The following RBFOX1 variants were observed in gnomAD, a reference collection of about 807,000 sequenced individuals.
The protein encoded by RBFOX1 is RNA binding protein fox-1 homolog 1.
In RBFOX1, 8 loss-of-function variants were observed where a neutral mutation model predicts 57.7. The observed-to-expected ratio is 0.14, with a 90% CI of 0.08 to 0.25. The LOEUF (loss-of-function observed/expected upper bound fraction) is 0.25, where lower values mean the gene tolerates loss of function less well. Ranked by LOEUF, RBFOX1 falls within the 10% of genes least tolerant of loss-of-function variation. The pLI is 1.00. For synonymous variants in RBFOX1, 326 were observed against 222.4 expected (o/e 1.47, Z -4.15); for missense variants, 611 against 548.5 (o/e 1.11, Z -1.14).
At chr16:6,181,660 A>G (rs1277374666) in intron 1 of RBFOX1, among the ~76,000 whole-genome samples, 1 of 152,200 alleles carries the variant, frequency 6.6e-6, no homozygotes, top group Non-Finnish European at 1.5e-5. Flanking sequence ...TATTCACATT[A>G]GAAGTCTTAC....
At chr16:5,723,746 C>G (rs996997524) in intron 3 of RBFOX1, among the ~76,000 whole-genome samples, 20 of 152,176 alleles carry the variant, frequency 1.3e-4, no homozygotes, top group African/African-American at 4.3e-4. Flanking sequence ...ATTGTGAGAT[C>G]TTTGGTCTAA....
At chr16:5,885,513 AG>A (rs1255318567) in intron 4 of RBFOX1, among the ~76,000 whole-genome samples, 1 of 152,136 alleles carries the variant, frequency 6.6e-6, no homozygotes, top group Non-Finnish European at 1.5e-5. Flanking sequence ...GAGGGTTCAC[AG>A]AGGCCTTTTG....
chr16:6,348,498 T>C (rs2085751182), intron 2 of RBFOX1, among the ~76,000 whole-genome samples: 1 of 152,142 alleles, frequency 6.6e-6, no homozygotes, highest in Non-Finnish European at 1.5e-5. Context: ...GTTCTTGCAC[T>C]GCTATAAGGA....
chr16:6,631,666 A>G (rs1225659177), intron 2 of RBFOX1, among the ~76,000 whole-genome samples: 2 of 152,170 alleles, frequency 1.3e-5, no homozygotes. Flanking sequence ...AAATAATGGT[A>G]CGTGCAATAA....
chr16:7,520,290 C>G (rs891671336), intron 5 of RBFOX1, among the ~76,000 whole-genome samples: 1 of 152,128 alleles, frequency 6.6e-6, no homozygotes, highest in African/African-American at 2.4e-5. Flanking sequence ...TAAAACTTAA[C>G]CATTTTAATC....
chr16:5,754,303 G>C (rs969577088), intron 3 of RBFOX1, among the ~76,000 whole-genome samples: 1 of 152,114 alleles, frequency 6.6e-6, no homozygotes, highest in Non-Finnish European at 1.5e-5. Context: ...AACATGTTTA[G>C]GATTATACCT....
At chr16:6,395,690 C>G (rs1452227721) in intron 2 of RBFOX1, among the ~76,000 whole-genome samples, 1 of 152,020 alleles carries the variant, frequency 6.6e-6, no homozygotes, top group Non-Finnish European at 1.5e-5. Flanking sequence ...TATATCAATA[C>G]CATCTATATA....
chr16:7,270,702 C>T, intron 4 of RBFOX1, among the ~76,000 whole-genome samples: 1 of 152,158 alleles, frequency 6.6e-6, no homozygotes, highest in East Asian at 1.9e-4. Flanking sequence ...GCTCTGGAAA[C>T]ATTCACTACT....
chr16:6,530,115 G>C (rs1005475818), intron 2 of RBFOX1, among the ~76,000 whole-genome samples: 11 of 152,188 alleles, frequency 7.2e-5, no homozygotes, highest in African/African-American at 2.7e-4. Context: ...AAAGGAGACA[G>C]TGTGTGGTGT....
intron 3 of RBFOX1, among the ~76,000 whole-genome samples, chr16:6,752,296 A>T (rs1473136512): frequency 6.6e-6 from 1 of 152,114 alleles, no homozygotes; most frequent in African/African-American, 2.4e-5. Context: ...ATTTGGATGT[A>T]CTCCAGACCT....
At chr16:7,151,175 C>T (rs2076035459) in intron 4 of RBFOX1, among the ~76,000 whole-genome samples, 1 of 152,268 alleles carries the variant, frequency 6.6e-6, no homozygotes, top group African/African-American at 2.4e-5. Flanking sequence ...GAACTAGAGG[C>T]TACCTTGGCA....
chr16:7,581,644 A>T (rs892413772), intron 6 of RBFOX1, among the ~76,000 whole-genome samples: 1 of 152,136 alleles, frequency 6.6e-6, no homozygotes, highest in African/African-American at 2.4e-5. Flanking sequence ...GGTAGGGTAG[A>T]CGGCAAGGAG....
intron 1 of RBFOX1, among the ~76,000 whole-genome samples, chr16:6,020,441 T>C (rs7204933): frequency 0.081 from 12,218 of 151,466 alleles, 585 homozygotes; most frequent in African/African-American, 0.13. Flanking sequence ...CCCGGGAGGG[T>C]GTTTAGGTGC....
chr16:6,182,023 A>G (rs950700039), intron 1 of RBFOX1, among the ~76,000 whole-genome samples: 1 of 152,202 alleles, frequency 6.6e-6, no homozygotes, highest in Non-Finnish European at 1.5e-5. Context: ...GTTCAGTCAC[A>G]TGGTCCCACT....
In RBFOX1 at chr16:5,953,883, C is replaced by G. The variant is rs1231592539; in HGVS notation, c.351+86548C>G. On this transcript the variant is annotated intron_variant, in intron 4 of 19. Transcript: ENST00000641259. ...GTAGTGGGATTGCTGTATACTTACA[C>G]TAAAAATGAGTTGTTGTTTATCTGA... is the stretch of plus-strand genomic sequence containing the variant. Among the ~76,000 whole-genome samples the G allele has an allele frequency of 3.3e-5, 5 of 152,200 alleles. No individual in the cohort carries two copies. The South Asian group carries it at 6.2e-4, about 19-fold the overall frequency.
chr16:5,549,535 T>C (rs2045371534), intron 2 of RBFOX1, among the ~76,000 whole-genome samples: 1 of 152,198 alleles, frequency 6.6e-6, no homozygotes, highest in South Asian at 2.1e-4. Context: ...GGGAAGATGA[T>C]ACAGTCAGTT....
At position 7,670,364 on chromosome 16, in the gene RBFOX1, A is replaced by C. The variant is rs1364413679; in HGVS notation, c.930+5396A>C. Among the ~76,000 whole-genome samples the C allele has an allele frequency of 2.8e-4, 42 of 152,196 alleles. 3 individuals carry two copies. The highest frequency in any genetic ancestry group is 2.7e-3 in the Admixed American group (42 of 15,282). On this transcript the variant is annotated intron_variant, in intron 13 of 15. Transcript: ENST00000550418. ...AACTTTTTTTTCCAGAAAAAAAGAA[A>C]ATAATTTGTCCAAAAATCTTCAGAC...
At chr16:6,086,708 G>A (rs1284708271) in intron 1 of RBFOX1, among the ~76,000 whole-genome samples, 2 of 152,190 alleles carry the variant, frequency 1.3e-5, no homozygotes, top group Non-Finnish European at 2.9e-5. Context: ...ACCTTCTTTT[G>A]TGTGGGATGG....
At chr16:5,419,505 C>T (rs2067252059) in intron 1 of RBFOX1, among the ~76,000 whole-genome samples, 1 of 151,938 alleles carries the variant, frequency 6.6e-6, no homozygotes, top group South Asian at 2.1e-4. Context: ...TCCACTGGCA[C>T]AAATGTTAAT....
Sources: gnomAD v4.1 joint callset for allele counts (sites outside exome capture counted in the v4.1 genomes callset) on GRCh38, gnomAD v4.1.1 for gene constraint, MANE v1.5 for transcripts, NCBI Gene and HGNC (gene_info 2026-07-23, HGNC 2026-07-21) for gene names.